The following RREB1 variants were observed in gnomAD, a reference collection of about 807,000 sequenced individuals.
RREB1 encodes the protein ras-responsive element-binding protein 1.
A neutral mutation model predicts 117.8 loss-of-function variants in RREB1; 27 were observed. The observed-to-expected ratio is 0.23, with a 90% CI of 0.17 to 0.32. RREB1 has a LOEUF of 0.32. Among genes scored for constraint, RREB1 ranks in the 10% least tolerant of loss-of-function variants. RREB1 has a pLI of 1.00. For synonymous variants in RREB1, 1,298 were observed against 1,026.7 expected (o/e 1.26, Z -5.05); for missense variants, 2,577 against 2,378.2 (o/e 1.08, Z -1.74).
At chr6:7,197,323 G>A (rs1765725035) in intron 6 of RREB1, among the ~76,000 whole-genome samples, 1 of 152,070 alleles carries the variant, frequency 6.6e-6, no homozygotes, top group Admixed American at 6.5e-5. Context: ...TACATTTAAG[G>A]GCATGCTTAA....
At chr6:7,152,731 A>C (rs1763180589) in intron 1 of RREB1, among the ~76,000 whole-genome samples, 2 of 152,190 alleles carry the variant, frequency 1.3e-5, no homozygotes, top group African/African-American at 4.8e-5. Flanking sequence ...TGCCAGTGCT[A>C]AGTGGGAAGC....
intron 10 of RREB1, among the ~76,000 whole-genome samples, chr6:7,237,442 G>C (rs897731836): frequency 1.2e-4 from 18 of 151,600 alleles, no homozygotes; most frequent in Admixed American, 6.6e-4. Flanking sequence ...TGCCCAAGTT[G>C]GTCTTAAACT....
chr6:7,181,782 A>G lies in RREB1; in HGVS notation c.-42-88A>G, dbSNP rs4959428. The G allele has an allele frequency of 2.3e-3, 2,072 of 896,994 alleles. 60 individuals carry two copies. In the Admixed American group the frequency reaches 0.037, roughly 16 times the overall value. The allele number at this position is 896,994 out of a possible 1,614,324, so 55.6% of individuals were successfully genotyped here. On this transcript the variant is annotated intron_variant, in intron 3 of 12. Transcript: ENST00000379938. ...GCGTTGGATGTTTTTGACCTGAATT[A>G]CAATTAGAGTAGCCATGGCCAGCGC...
rs1764042251 is a variant in RREB1, at chr6:7,168,131, T to C, written c.-284-8524T>C. ...TTAGCCGGGTGTGGTGATGCATGCC[T>C]GTAATCCCAGCTACTCGGGAGGCTG... On this transcript the variant is annotated intron_variant, in intron 1 of 12. Coordinates refer to ENST00000379938, the MANE Select transcript of RREB1 (RefSeq NM_001003699.4). 2.0e-5 allele frequency among the ~76,000 whole-genome samples: 3 copies of C among 151,808 alleles called. No individual in the cohort carries two copies. In the South Asian group the frequency reaches 6.2e-4, roughly 32 times the overall value.
chr6:7,160,622 G>A (rs1482079304), intron 1 of RREB1, among the ~76,000 whole-genome samples: 3 of 152,048 alleles, frequency 2.0e-5, no homozygotes, highest in East Asian at 1.9e-4. Context: ...CAATCCTCCC[G>A]GTTCAGCTTC....
Position 7,231,235 on chromosome 6 carries a change from C to T in RREB1, c.3136C>T (p.Arg1046Trp), listed in dbSNP as rs796606797. ...TGGCACAGCCTTGCTGCGTCCACTG[C>T]GGCCCAAGCCCCCGCTGCTTTTGCC... The part of the protein sequence containing the change: ...LSGTALLRPL[R>W]PKPPLLLPKP... The change falls in exon 10 of 13, where the codon CGG becomes TGG. Residue 1046 changes from arginine (R) to tryptophan (W), a missense_variant. Transcript: ENST00000379938. 4 of 1,612,278 alleles carry T rather than the reference C, an allele frequency of 2.5e-6. No individual in the cohort carries two copies. The highest frequency in any genetic ancestry group is 2.2e-5 in the East Asian group (1 of 44,878).
intron 8 of RREB1, among the ~76,000 whole-genome samples, chr6:7,221,959 A>G (rs1281058659): frequency 6.6e-6 from 1 of 152,220 alleles, no homozygotes; most frequent in Non-Finnish European, 1.5e-5. Context: ...TAAATTTGGA[A>G]AAGTACTTTG....
At chr6:7,145,434 C>G (rs1762813497) in intron 1 of RREB1, among the ~76,000 whole-genome samples, 1 of 152,160 alleles carries the variant, frequency 6.6e-6, no homozygotes, top group Non-Finnish European at 1.5e-5. Flanking sequence ...ATCAAAACAA[C>G]CAGTACAGCT....
intron 8 of RREB1, chr6:7,216,552 G>C (rs936435657): frequency 6.6e-6 from 1 of 152,220 alleles, no homozygotes; most frequent in Non-Finnish European, 1.5e-5. Context: ...CCACCAAAGG[G>C]AAATGCCTTC....
chr6:7,161,504 C>CATGT (rs1763662283), intron 1 of RREB1, among the ~76,000 whole-genome samples: 1 of 152,166 alleles, frequency 6.6e-6, no homozygotes, highest in Non-Finnish European at 1.5e-5. Context: ...TGACAATTAA[C>CATGT]ATGTATATTA....
intron 6 of RREB1, among the ~76,000 whole-genome samples, chr6:7,202,581 T>A (rs1026909643): frequency 6.6e-6 from 1 of 152,150 alleles, no homozygotes; most frequent in Non-Finnish European, 1.5e-5. Flanking sequence ...ATGACTTCAG[T>A]TGGGGCACCA....
At chr6:7,240,417 A>C (rs767724422) in intron 10 of RREB1, 21 bp from the exon 11 acceptor site, 3 of 1,595,926 alleles carry the variant, frequency 1.9e-6, no homozygotes, top group Admixed American at 1.7e-5. Flanking sequence ...AGATAAATAT[A>C]TATTTTTTTT....
At chr6:7,202,874 G>T (rs1218209881) in intron 6 of RREB1, among the ~76,000 whole-genome samples, 1 of 152,162 alleles carries the variant, frequency 6.6e-6, no homozygotes, top group Non-Finnish European at 1.5e-5. Context: ...TTGGGTGAGA[G>T]GAACATCAAT....
In RREB1 at chr6:7,234,267, C is replaced by A. The variant is rs537846820; in HGVS notation, c.3808+2360C>A. Among the ~76,000 whole-genome samples the A allele has an allele frequency of 7.2e-5, 11 of 152,278 alleles. No individual in the cohort carries two copies. The East Asian group carries it at 1.9e-3, about 27-fold the overall frequency. ...TTGGGTGCCACCTGTTTATCGCCTA[C>A]TGAGAGTTTATGGAGAAGTGAGTCT... is the stretch of plus-strand genomic sequence containing the variant. On this transcript the variant is annotated intron_variant, in intron 10 of 12. Coordinates refer to ENST00000379938, the MANE Select transcript of RREB1 (RefSeq NM_001003699.4).
intron 1 of RREB1, among the ~76,000 whole-genome samples, chr6:7,160,646 A>G (rs779245252): frequency 2.0e-5 from 3 of 151,682 alleles, no homozygotes; most frequent in Non-Finnish European, 4.4e-5. Flanking sequence ...AGTAGCTGGG[A>G]TTACAGGCGC....
intron 1 of RREB1, among the ~76,000 whole-genome samples, chr6:7,124,115 C>T (rs548582112): frequency 6.6e-6 from 1 of 152,120 alleles, no homozygotes; most frequent in Non-Finnish European, 1.5e-5. Flanking sequence ...GGTGGTCACC[C>T]GTCTGAGAGT....
At chr6:7,140,838 G>A (rs1251556691) in intron 1 of RREB1, 1 of 152,374 alleles carries the variant, frequency 6.6e-6, no homozygotes, top group Non-Finnish European at 1.5e-5. Context: ...GCTTCGTGTG[G>A]TGGCTCGCGC....
rs570695709 is a variant in RREB1 at position 7,249,799 on chromosome 6, A to ATTAT, written c.*832_*833insTATT. 3 of 150,356 alleles carry ATTAT rather than the reference A, an allele frequency of 2.0e-5. No homozygotes were observed. Among genetic ancestry groups the ATTAT allele is most frequent in the South Asian group, 2.1e-4 (1 of 4,770 alleles). The allele number at this position is 150,356 out of a possible 1,614,324, so 9.3% of individuals were successfully genotyped here. ...TTCCCTTTCAGTATATGTATTATTA[A>ATTAT]TATTATTATTATTATTATTATTATT... On this transcript the variant is annotated 3_prime_UTR_variant, in exon 13 of 13. Transcript: ENST00000379938.
At chr6:7,221,388 G>A (rs966269544) in intron 8 of RREB1, among the ~76,000 whole-genome samples, 4 of 151,992 alleles carry the variant, frequency 2.6e-5, no homozygotes, top group African/African-American at 9.7e-5. Context: ...TAGCCAGGAT[G>A]GTCTCGATCT....
Sources: gnomAD v4.1 joint callset for allele counts (sites outside exome capture counted in the v4.1 genomes callset) on GRCh38, gnomAD v4.1.1 for gene constraint, MANE v1.5 for transcripts, NCBI Gene and HGNC (gene_info 2026-07-23, HGNC 2026-07-21) for gene names.